The following PRKDC variants were observed in gnomAD, a reference collection of about 807,000 sequenced individuals.
PRKDC encodes protein kinase, DNA-activated, catalytic subunit.
PRKDC carries 82 observed loss-of-function variants against 486.9 expected under a neutral mutation model. The observed-to-expected ratio is 0.17, with a 90% CI of 0.14 to 0.20. The LOEUF (loss-of-function observed/expected upper bound fraction) is 0.20. Ranked by LOEUF, PRKDC falls within the 10% of genes least tolerant of loss-of-function variation. The pLI is 1.00. For missense variants in PRKDC, 4,504 were observed against 5,038.2 expected (o/e 0.89, Z 3.21); for synonymous variants, 1,895 against 1,837.0 (o/e 1.03, Z -0.81).
intron 54 of PRKDC, among the ~76,000 whole-genome samples, chr8:47,845,395 T>C (rs1264666138): frequency 6.6e-6 from 1 of 151,918 alleles, no homozygotes; most frequent in Admixed American, 6.6e-5. Flanking sequence ...GCTAGATCAA[T>C]AGAGGGAGAC....
At chr8:47,902,539 T>C (rs1469630215) in intron 27 of PRKDC, 30 bp downstream of exon 27, 1 of 1,423,760 alleles carries the variant, frequency 7.0e-7, no homozygotes, top group East Asian at 2.4e-5. Flanking sequence ...AAACCACAAG[T>C]TTCTCTTCTC....
chr8:47,923,067 T>C (rs2090098667), intron 21 of PRKDC, among the ~76,000 whole-genome samples: 1 of 140,912 alleles, frequency 7.1e-6, no homozygotes. Context: ...GAAGTCATTC[T>C]TTTTTTTTTT....
Position 47,834,272 on chromosome 8 carries a change from G to C in PRKDC, c.8076C>G (p.Pro2692=), listed in dbSNP as rs2087955022. 3 of 1,614,040 alleles carry C rather than the reference G, an allele frequency of 1.9e-6. No individual in the cohort carries two copies. Among genetic ancestry groups the C allele is most frequent in the East Asian group, 4.5e-5 (2 of 44,878 alleles). Residue 2692 remains proline, a synonymous_variant, in exon 59 of 86, where the codon CCC becomes CCG. Transcript: ENST00000314191. ...HKRSERLQRA[P]LKSVGPDFGK... Reference sequence around the variant, plus strand: ...CAAAATCAGGCCCCACTGACTTCAAGGGTGCTCTCTGTAACCTTTCACTCC... The same window carrying C: ...CAAAATCAGGCCCCACTGACTTCAACGGTGCTCTCTGTAACCTTTCACTCC...
intron 7 of PRKDC, among the ~76,000 whole-genome samples, chr8:47,946,058 A>G (rs1002401153): frequency 2.0e-5 from 3 of 149,888 alleles, no homozygotes; most frequent in Non-Finnish European, 4.4e-5. Flanking sequence ...GGCCAGGTGC[A>G]GTGGCTCACA....
intron 42 of PRKDC, among the ~76,000 whole-genome samples, chr8:47,862,769 C>T (rs2088707008): frequency 6.6e-6 from 1 of 152,106 alleles, no homozygotes; most frequent in Non-Finnish European, 1.5e-5. Flanking sequence ...AGTGACGCAA[C>T]GGCATCAAGT....
At chr8:47,839,966 G>A in intron 55 of PRKDC, 50 bp downstream of exon 55, 1 of 1,423,078 alleles carries the variant, frequency 7.0e-7, no homozygotes, top group Middle Eastern at 1.8e-4. Flanking sequence ...GACAGAGCAA[G>A]ACCTTATCTC....
At chr8:47,920,403 A>G (rs189093815) in intron 21 of PRKDC, among the ~76,000 whole-genome samples, 25 of 152,316 alleles carry the variant, frequency 1.6e-4, no homozygotes, top group Admixed American at 1.5e-3. Context: ...ACAAAGGCCT[A>G]TATCTAATTT....
At chr8:47,955,833 C>A in intron 4 of PRKDC, 41 bp downstream of exon 4, 2 of 1,447,592 alleles carry the variant, frequency 1.4e-6, no homozygotes, top group East Asian at 2.3e-5. Context: ...TTAAAAGTTA[C>A]ATGTTTAATG....
rs373875632 is a variant in PRKDC, at chr8:47,888,671, T to C, written c.4281-21A>G. 400 of 1,559,304 alleles carry C rather than the reference T, an allele frequency of 2.6e-4. No individual in the cohort carries two copies. In the African/African-American group the frequency reaches 5.1e-3, roughly 20 times the overall value. The stretch of plus-strand genomic sequence containing the variant: ...CAATGCTGGCCATGTGACAAAACAG[T>C]AAATTAGGTGAGCTCTGATCTCGTT... On this transcript the variant is annotated intron_variant, in intron 33 of 85. Coordinates refer to ENST00000314191, the MANE Select transcript of PRKDC (RefSeq NM_006904.7).
intron 58 of PRKDC, among the ~76,000 whole-genome samples, chr8:47,835,664 A>G (rs1479511359): frequency 8.6e-5 from 13 of 150,988 alleles, no homozygotes; most frequent in Non-Finnish European, 1.6e-4. Flanking sequence ...AATATACATA[A>G]AATTTACCAT....
Position 47,789,163 on chromosome 8 carries a change from T to A in PRKDC, c.10746A>T (p.Glu3582Asp). 6.2e-7 allele frequency: 1 copy of A among 1,613,298 alleles called. No individual in the cohort carries two copies. The highest frequency in any genetic ancestry group is 1.1e-5 in the South Asian group (1 of 90,960). The change falls in exon 75 of 86, where the codon GAA (glutamate) becomes GAT (aspartate). Residue 3582 changes from glutamate (E) to aspartate (D), a missense_variant. Glu to Asp is a conservative substitution (Grantham distance 45). Around this residue, in one of 6 missense-constraint regions of PRKDC, gnomAD observed 706 missense variants for 945.0 expected, o/e 0.75. Coordinates refer to ENST00000314191, the MANE Select transcript of PRKDC (RefSeq NM_006904.7). ...INALDQLSNP[E>D]LLFKDWSNDV... Reference sequence around the variant, plus strand: ...GTTCTATCATTACCTTAAAGAGCAGTTCAGGATTAGAGAGCTGATCTAAGG... The same window carrying A: ...GTTCTATCATTACCTTAAAGAGCAGATCAGGATTAGAGAGCTGATCTAAGG...
At chr8:47,775,447 C>T (rs968236397) in intron 85 of PRKDC, among the ~76,000 whole-genome samples, 9 of 143,322 alleles carry the variant, frequency 6.3e-5, no homozygotes, top group Non-Finnish European at 1.5e-5. Context: ...TCTCGGCTCA[C>T]TGCAACCTCT....
Position 47,954,453 on chromosome 8 carries a change from G to T in PRKDC, c.400-7C>A. 1.7e-6 allele frequency: 2 copies of T among 1,153,334 alleles called. No homozygotes were observed. Among genetic ancestry groups the T allele is most frequent in the Non-Finnish European group, 2.4e-6 (2 of 836,906 alleles). The allele number at this position is 1,153,334 out of a possible 1,614,324, so 71.4% of individuals were successfully genotyped here. On this transcript the variant is annotated splice_polypyrimidine_tract_variant and splice_region_variant and intron_variant, in intron 4 of 85. Transcript: ENST00000314191. ...TTCTAAAAGTCTGAAGTAACTAAAA[G>T]AATACAAATTAGTACATCAATGTAG...
chr8:47,925,543 C>T (rs1274822116), intron 21 of PRKDC, among the ~76,000 whole-genome samples: 1 of 152,138 alleles, frequency 6.6e-6, no homozygotes, highest in Non-Finnish European at 1.5e-5. Flanking sequence ...AGGAAAAATG[C>T]AGCTAAAAAA....
At chr8:47,814,455 A>G (rs914662000) in intron 68 of PRKDC, among the ~76,000 whole-genome samples, 8 of 152,222 alleles carry the variant, frequency 5.3e-5, no homozygotes, top group African/African-American at 1.7e-4. Flanking sequence ...AGAAAATCCC[A>G]GAGAACCTGC....
chr8:47,802,057 T>A (rs1314847329), intron 70 of PRKDC, among the ~76,000 whole-genome samples: 1 of 151,852 alleles, frequency 6.6e-6, no homozygotes, highest in East Asian at 1.9e-4. Context: ...ATAAGGATAA[T>A]TTTCTTCTTC....
intron 17 of PRKDC, among the ~76,000 whole-genome samples, chr8:47,930,462 T>C (rs2090231254): frequency 6.6e-6 from 1 of 152,140 alleles, no homozygotes. Flanking sequence ...TTAGTAGAGA[T>C]GGGGTTTCAC....
chr8:47,843,953 A>G (rs1480603575), intron 54 of PRKDC, among the ~76,000 whole-genome samples: 2 of 152,252 alleles, frequency 1.3e-5, no homozygotes, highest in Non-Finnish European at 2.9e-5. Flanking sequence ...ACTTAAGTAC[A>G]TAGCCCACAG....
At chr8:47,898,335 T>G in intron 29 of PRKDC, 135 bp downstream of exon 29, 3 of 703,830 alleles carry the variant, frequency 4.3e-6, no homozygotes, top group Non-Finnish European at 6.9e-6. Flanking sequence ...AAACGAACTC[T>G]TCAGACTTCC....
Sources: allele counts gnomAD v4.1 joint callset (sites outside exome capture counted in the v4.1 genomes callset), GRCh38; gene constraint gnomAD v4.1.1; regional missense constraint gnomAD v4.1.1; transcripts MANE v1.5; gene names NCBI Gene and HGNC (gene_info 2026-07-23, HGNC 2026-07-21).